Variants in ADGRG4 observed in about 807,000 individuals in gnomAD.
The protein encoded by ADGRG4 is G protein-coupled receptor 112.
In ADGRG4, 122 loss-of-function variants were observed where a neutral mutation model predicts 126.2. The ratio of observed to expected loss-of-function variants is 0.97; its 90% CI spans 0.83 to 1.12. The LOEUF is 1.12. Ranked by LOEUF, ADGRG4 falls within the 50% of genes most tolerant of loss-of-function variation. ADGRG4 has a pLI of 0.00. For missense variants in ADGRG4, 2,481 were observed against 2,251.8 expected (o/e 1.10, Z -2.06); for synonymous variants, 943 against 838.7 (o/e 1.12, Z -2.15).
intron 15 of ADGRG4, among the ~76,000 whole-genome samples, chrX:136,378,536 GGT>G (rs2148485220): frequency 9.0e-6 from 1 of 111,345 alleles, no homozygotes; most frequent in South Asian, 3.8e-4. Flanking sequence ...GAATAGAAGT[GGT>G]TGAAGTGGGC....
At chrX:136,367,331 C>T (rs1013607875) in intron 13 of ADGRG4, among the ~76,000 whole-genome samples, 1 of 112,365 alleles carries the variant, frequency 8.9e-6, no homozygotes, top group African/African-American at 3.2e-5. Context: ...CTGATTATTT[C>T]TAGATCAGAA....
rs762779561 is a variant in ADGRG4 at position 136,308,822 on chromosome X, C to T, written c.45C>T (p.Leu15=). ...IIYQKLYGLI[L]MSSFIFLSDT... Reference sequence around the variant, plus strand: ...ATCAGAAGCTTTATGGATTGATTCTCATGTCGAGTTTTATCTTTCTCTCAG... The same window carrying T: ...ATCAGAAGCTTTATGGATTGATTCTTATGTCGAGTTTTATCTTTCTCTCAG... The change falls in exon 4 of 26, where the codon CTC becomes CTT. Residue 15 remains leucine, a synonymous_variant. Coordinates refer to ENST00000394143, the MANE Select transcript of ADGRG4 (RefSeq NM_153834.4). 12 of 1,149,175 alleles carry T rather than the reference C, an allele frequency of 1.0e-5. No individual in the cohort carries two copies. The highest frequency in any genetic ancestry group is 1.4e-5 in the Non-Finnish European group (12 of 839,140). 94.7% of individuals were successfully genotyped at this position (1,149,175 alleles called of 1,213,427 possible). A position where few individuals can be genotyped will look rare whatever the true frequency, so the allele number is the denominator to read the frequency against.
chrX:136,413,371 G>C (rs988578666), intron 24 of ADGRG4, among the ~76,000 whole-genome samples: 1 of 109,628 alleles, frequency 9.1e-6, no homozygotes, highest in African/African-American at 3.3e-5. Flanking sequence ...AGTTTACTGA[G>C]AATGATGATT....
intron 4 of ADGRG4, 100 bp downstream of exon 4, chrX:136,308,947 C>A: frequency 1.9e-6 from 1 of 538,632 alleles, no homozygotes; most frequent in Non-Finnish European, 3.1e-6. Flanking sequence ...ATTTGCTGGG[C>A]TGCCTCTTAA....
At chrX:136,314,119 G>C (rs1290602571) in intron 4 of ADGRG4, among the ~76,000 whole-genome samples, 1 of 109,522 alleles carries the variant, frequency 9.1e-6, no homozygotes, top group Non-Finnish European at 1.9e-5. Context: ...CATTTTAACT[G>C]CTTCCGCCAT....
intron 18 of ADGRG4, among the ~76,000 whole-genome samples, chrX:136,394,751 C>T (rs1312390145): frequency 4.5e-5 from 5 of 112,298 alleles, no homozygotes; most frequent in African/African-American, 1.6e-4. Flanking sequence ...ACTTAGCTGC[C>T]TGCCCGGGGA....
chrX:136,377,354 G>C (rs1228143124), intron 15 of ADGRG4, among the ~76,000 whole-genome samples: 1 of 107,838 alleles, frequency 9.3e-6, no homozygotes, highest in Non-Finnish European at 1.9e-5. Context: ...CACCATGCCT[G>C]ACTGATTTTT....
chrX:136,354,577 A>G lies in ADGRG4; in HGVS notation c.6887+1176A>G, dbSNP rs141526183. Among the ~76,000 whole-genome samples, 835 of 111,104 alleles carry G rather than the reference A, an allele frequency of 7.5e-3. 6 individuals carry two copies. Among genetic ancestry groups the G allele is most frequent in the African/African-American group, 0.025 (773 of 30,554 alleles). ...CACCAGCTGGTTGTTCTCTACTTCA[A>G]TTCTATTCTGGTGTTATCCTCTCAA... On this transcript the variant is annotated intron_variant, in intron 8 of 25. Transcript: ENST00000394143.
chrX:136,399,919 T>G lies in ADGRG4; in HGVS notation c.8378T>G (p.Val2793Gly). 1 of 1,209,550 alleles carries G rather than the reference T, an allele frequency of 8.3e-7. No homozygotes were observed. The highest frequency in any genetic ancestry group is 1.1e-6 in the Non-Finnish European group (1 of 893,410). ...LCTALLMLNL[V>G]FLINSWLSSF... ...ACAGCACTACTGATGCTAAACCTGG[T>G]ATTTTTGATCAATTCTTGGTTGTCA... The change falls in exon 21 of 26, where the codon GTA (valine) becomes GGA (glycine). Residue 2793 changes from valine to glycine, a missense_variant. Physicochemically the swap from Val to Gly is moderately radical, Grantham distance 109 (BLOSUM62 -3). Coordinates refer to ENST00000394143, the MANE Select transcript of ADGRG4 (RefSeq NM_153834.4).
chrX:136,347,715 A>T lies in ADGRG4; in HGVS notation c.4009A>T (p.Thr1337Ser), dbSNP rs1408859261. ...NLASSPTSGS[T>S]QITPTLTSSN... ...GGCTTCATCTCCCACTTCTGGAAGCACACAGATTACACCAACCTTGACCTC... is the reference window on the plus strand; with the variant it reads ...GGCTTCATCTCCCACTTCTGGAAGCTCACAGATTACACCAACCTTGACCTC... Residue 1337 changes from threonine (T) to serine (S), a missense_variant, in exon 6 of 26, where the codon ACA becomes TCA. Coordinates refer to ENST00000394143, the MANE Select transcript of ADGRG4 (RefSeq NM_153834.4). 7 of 1,207,836 alleles carry T rather than the reference A, an allele frequency of 5.8e-6. No individual in the cohort carries two copies. The highest frequency in any genetic ancestry group is 5.6e-6 in the Non-Finnish European group (5 of 893,205).
At position 136,348,261 on chromosome X, in the gene ADGRG4, A is replaced by T. The variant is rs1164871661; in HGVS notation, c.4555A>T (p.Asn1519Tyr). Residue 1519 changes from asparagine (N) to tyrosine (Y), a missense_variant, in exon 6 of 26, where the codon AAT (asparagine) becomes TAT (tyrosine). Asn to Tyr is a moderately radical substitution (Grantham distance 143). Coordinates refer to ENST00000394143, the MANE Select transcript of ADGRG4 (RefSeq NM_153834.4). Reference sequence around the variant, plus strand: ...TTACCAGATGTCCTCATTGCCAGTTAATGTAACTGCCTTCACCTCCAAAAA... The same window carrying T: ...TTACCAGATGTCCTCATTGCCAGTTTATGTAACTGCCTTCACCTCCAAAAA... ...PIYQMSSLPV[N>Y]VTAFTSKKVS... 8.3e-7 allele frequency: 1 copy of T among 1,208,946 alleles called. No homozygotes were observed. The highest frequency in any genetic ancestry group is 3.0e-5 in the East Asian group (1 of 33,741).
intron 5 of ADGRG4, among the ~76,000 whole-genome samples, chrX:136,341,841 T>C (rs771690611): frequency 3.6e-5 from 4 of 111,847 alleles, no homozygotes; most frequent in Non-Finnish European, 5.6e-5. Flanking sequence ...ATGCAAATTA[T>C]AAGTAATTTT....
At chrX:136,414,582 G>A (rs1400738910) in intron 25 of ADGRG4, among the ~76,000 whole-genome samples, 3 of 112,721 alleles carry the variant, frequency 2.7e-5, no homozygotes, top group Admixed American at 1.9e-4. Flanking sequence ...GAGGAAAGAA[G>A]AGATGAGAGG....
At chrX:136,374,437 A>T (rs1316999781) in intron 15 of ADGRG4, among the ~76,000 whole-genome samples, 1 of 110,407 alleles carries the variant, frequency 9.1e-6, no homozygotes, top group Non-Finnish European at 1.9e-5. Flanking sequence ...TTTATTTATT[A>T]TTTATTTTTT....
Position 136,371,376 on chromosome X carries a change from C to A in ADGRG4, c.7445C>A (p.Ser2482Tyr). The A allele has an allele frequency of 1.7e-6, 2 of 1,197,699 alleles. No individual in the cohort carries two copies. Among genetic ancestry groups the A allele is most frequent in the Non-Finnish European group, 2.3e-6 (2 of 886,699 alleles). ...AEHILNLINE[S>Y]PALGKEETKI... ...CATATTTTAAATTTGATAAATGAAT[C>A]CCCAGCCCTGGGTAAAGAAGAGACA... The change falls in exon 14 of 26, where the codon TCC becomes TAC. Residue 2482 changes from serine to tyrosine, a missense_variant. Coordinates refer to ENST00000394143, the MANE Select transcript of ADGRG4 (RefSeq NM_153834.4).
At chrX:136,410,678 TA>T (rs2075441226) in intron 23 of ADGRG4, among the ~76,000 whole-genome samples, 1 of 111,919 alleles carries the variant, frequency 8.9e-6, no homozygotes, top group African/African-American at 3.3e-5. Flanking sequence ...CGAGTTTGTG[TA>T]TCAAGTGTCT....
chrX:136,366,188 T>C (rs949233929), intron 13 of ADGRG4, among the ~76,000 whole-genome samples: 4 of 112,502 alleles, frequency 3.6e-5, no homozygotes, highest in African/African-American at 1.3e-4. Flanking sequence ...GCTCCACTTA[T>C]TCATCCCTCC....
At chrX:136,307,194 A>T (rs1305093023) in intron 3 of ADGRG4, among the ~76,000 whole-genome samples, 1 of 112,646 alleles carries the variant, frequency 8.9e-6, no homozygotes, top group African/African-American at 3.2e-5. Context: ...GATAGCAATC[A>T]TATCCATTTC....
In ADGRG4 at chrX:136,380,661, CTCCTCCTCT is replaced by C. The variant is rs1462962766; in HGVS notation, c.7777-7070_7777-7062del. 5.6e-3 allele frequency among the ~76,000 whole-genome samples: 380 copies of C among 68,206 alleles called. 1 individual carries two copies. Among genetic ancestry groups the C allele is most frequent in the African/African-American group, 9.9e-3 (168 of 17,010 alleles). The allele number at this position is 68,206 out of a possible 115,157, so 59.2% of individuals were successfully genotyped here. A position where few individuals can be genotyped will look rare whatever the true frequency, so the allele number is the denominator to read the frequency against. ...CTTCTTCTTCTTCTTCCTCCTCCTC[CTCCTCCTCT>C]TCCTCCTCCTCCTCCTCCTTCTTCT... On this transcript the variant is annotated intron_variant, in intron 15 of 25. Coordinates refer to ENST00000394143, the MANE Select transcript of ADGRG4 (RefSeq NM_153834.4).
Sources: gnomAD v4.1 joint callset for allele counts (sites outside exome capture counted in the v4.1 genomes callset) on GRCh38, gnomAD v4.1.1 for gene constraint, MANE v1.5 for transcripts, NCBI Gene and HGNC (gene_info 2026-07-23, HGNC 2026-07-21) for gene names.